The following IBTK variants were observed in gnomAD, a reference collection of about 807,000 sequenced individuals.
IBTK encodes BTK-binding protein.
IBTK carries 83 observed loss-of-function variants against 154.9 expected under a neutral mutation model. The ratio of observed to expected loss-of-function variants is 0.54; its 90% CI spans 0.45 to 0.64. IBTK has a LOEUF of 0.64. Among genes scored for constraint, IBTK ranks in the 30% least tolerant of loss-of-function variants. The pLI is 0.00. For missense variants in IBTK, 1,332 were observed against 1,584.6 expected (o/e 0.84, Z 2.71); for synonymous variants, 515 against 536.1 (o/e 0.96, Z 0.54).
At chr6:82,227,107 GA>G (rs67652569) in intron 5 of IBTK, 84 bp downstream of exon 5, 112 of 849,086 alleles carry the variant, frequency 1.3e-4, no homozygotes, top group Middle Eastern at 2.3e-4. Flanking sequence ...CCTTACAGTT[GA>G]AAAAAAAATT....
chr6:82,201,619 AC>A (rs1178311288), intron 18 of IBTK, 137 bp from the exon 19 acceptor site: 4 of 508,094 alleles, frequency 7.9e-6, no homozygotes, highest in Non-Finnish European at 1.4e-5. Context: ...AGCAGTTGCT[AC>A]AAATTCCTTT....
chr6:82,197,795 A>T (rs1181910895), intron 21 of IBTK, among the ~76,000 whole-genome samples: 3 of 152,180 alleles, frequency 2.0e-5, no homozygotes, highest in Admixed American at 6.5e-5. Context: ...GTGGCCAACA[A>T]TTACTTCTGG....
intron 16 of IBTK, chr6:82,205,280 C>T (rs76340743): frequency 0.018 from 3,211 of 174,476 alleles, 42 homozygotes; most frequent in Non-Finnish European, 0.025. Flanking sequence ...CACTAGAATG[C>T]CTGACTTGTT....
intron 4 of IBTK, among the ~76,000 whole-genome samples, chr6:82,231,029 A>C (rs1175906259): frequency 6.6e-6 from 1 of 152,168 alleles, no homozygotes; most frequent in Non-Finnish European, 1.5e-5. Flanking sequence ...ATGAAATTTT[A>C]GTTCTATCTA....
chr6:82,240,570 G>A lies in IBTK; in HGVS notation c.-84C>T, dbSNP rs1770904301. ...AAAGCCAGGACACAAAGGTGCTATT[G>A]AGGAAGTTACAGAGAATAAATTACC... On this transcript the variant is annotated 5_prime_UTR_variant, in exon 2 of 29. Transcript: ENST00000306270. 5 of 1,119,160 alleles carry A rather than the reference G, an allele frequency of 4.5e-6. No homozygotes were observed. The Admixed American group carries it at 1.1e-4, about 24-fold the overall frequency. The allele number at this position is 1,119,160 out of a possible 1,614,324, so 69.3% of individuals were successfully genotyped here. A position where few individuals can be genotyped will look rare whatever the true frequency, so the allele number is the denominator to read the frequency against.
At chr6:82,201,555 A>C in intron 18 of IBTK, 73 bp from the exon 19 acceptor site, 1 of 984,120 alleles carries the variant, frequency 1.0e-6, no homozygotes, top group Admixed American at 2.3e-5. Flanking sequence ...TTACATACGT[A>C]GATATTTCAT....
At chr6:82,204,585 A>T (rs1002219970) in intron 17 of IBTK, among the ~76,000 whole-genome samples, 19 of 152,216 alleles carry the variant, frequency 1.2e-4, no homozygotes, top group African/African-American at 4.6e-4. Flanking sequence ...AAATTAGCAA[A>T]TAAATCTGAC....
In IBTK at chr6:82,229,177, G is replaced by T. The variant is rs112114264; in HGVS notation, c.544-1875C>A. Among the ~76,000 whole-genome samples the T allele has an allele frequency of 2.4e-3, 365 of 152,098 alleles. 2 individuals carry two copies. The highest frequency in any genetic ancestry group is 8.1e-3 in the African/African-American group (336 of 41,482). On this transcript the variant is annotated intron_variant, in intron 4 of 28. Coordinates refer to ENST00000306270, the MANE Select transcript of IBTK (RefSeq NM_015525.4). The stretch of plus-strand genomic sequence containing the variant: ...TCTTTCCTTCAAACCTACCCACTGT[G>T]CTTGCTTCACCCTCATTCTGTGGTA...
intron 24 of IBTK, 89 bp downstream of exon 24, chr6:82,191,697 GA>G: frequency 4.7e-6 from 4 of 847,886 alleles, no homozygotes; most frequent in Non-Finnish European, 8.1e-6. Context: ...ATCAAATGCA[GA>G]AAAATAATAA....
chr6:82,173,955 C>G (rs909664603), intron 26 of IBTK, among the ~76,000 whole-genome samples: 10 of 151,962 alleles, frequency 6.6e-5, no homozygotes, highest in Non-Finnish European at 1.2e-4. Flanking sequence ...TTGAGAGGGC[C>G]TCATGGATGG....
At chr6:82,224,649 T>G (rs1039923156) in intron 6 of IBTK, among the ~76,000 whole-genome samples, 3 of 152,194 alleles carry the variant, frequency 2.0e-5, no homozygotes, top group East Asian at 3.9e-4. Context: ...GCTGTGCACA[T>G]GAGAGTAAAA....
chr6:82,185,687 T>G lies in IBTK; in HGVS notation c.3576-3659A>C, dbSNP rs570404559. On this transcript the variant is annotated intron_variant, in intron 25 of 28. Coordinates refer to ENST00000306270, the MANE Select transcript of IBTK (RefSeq NM_015525.4). Reference sequence around the variant, plus strand: ...AAATCAAGTGATATACTGAATTATGTGGCTATCTCATAATTTTATAATCAC... The same window carrying G: ...AAATCAAGTGATATACTGAATTATGGGGCTATCTCATAATTTTATAATCAC... Among the ~76,000 whole-genome samples, 11 of 152,108 alleles carry G rather than the reference T, an allele frequency of 7.2e-5. No individual in the cohort carries two copies. In the East Asian group the frequency reaches 2.1e-3, roughly 29 times the overall value.
At chr6:82,205,403 C>T (rs1444705427) in intron 16 of IBTK, 1 of 152,306 alleles carries the variant, frequency 6.6e-6, no homozygotes, top group Non-Finnish European at 1.5e-5. Context: ...TGCTCTTATG[C>T]TTTCTTATTT....
intron 17 of IBTK, among the ~76,000 whole-genome samples, 153 bp from the exon 18 acceptor site, chr6:82,202,798 T>A (rs1252915245): frequency 6.6e-6 from 1 of 152,204 alleles, no homozygotes; most frequent in Non-Finnish European, 1.5e-5. Context: ...GGGGCAAATA[T>A]GTAACTCTTC....
chr6:82,186,913 CTTTTTTT>C (rs138781864), intron 25 of IBTK, among the ~76,000 whole-genome samples: 1 of 103,676 alleles, frequency 9.6e-6, no homozygotes, highest in Non-Finnish European at 1.9e-5. Flanking sequence ...TTATCAAATT[CTTTTTTT>C]TTTTTTTTTT....
intron 16 of IBTK, among the ~76,000 whole-genome samples, chr6:82,206,398 A>C (rs953425572): frequency 1.8e-4 from 26 of 143,520 alleles, no homozygotes; most frequent in African/African-American, 6.5e-4. Flanking sequence ...ACAATTAGCA[A>C]TAAGTAAAGT....
chr6:82,220,550 C>CT, intron 9 of IBTK, 40 bp downstream of exon 9: 4 of 1,558,632 alleles, frequency 2.6e-6, no homozygotes, highest in Non-Finnish European at 3.5e-6. Context: ...CAGCTATCAA[C>CT]TGAGAGTAAG....
At chr6:82,173,149 G>T in intron 27 of IBTK, 1 of 359,676 alleles carries the variant, frequency 2.8e-6, no homozygotes, top group Non-Finnish European at 5.0e-6. Context: ...TCACAGGCAT[G>T]CGCCACCATG....
At chr6:82,239,544 T>C (rs891728490) in intron 2 of IBTK, among the ~76,000 whole-genome samples, 34 of 152,328 alleles carry the variant, frequency 2.2e-4, no homozygotes, top group African/African-American at 7.0e-4. Context: ...CTAATTGAGA[T>C]GCCATTAGAC....
Sources: allele counts gnomAD v4.1 joint callset (sites outside exome capture counted in the v4.1 genomes callset), GRCh38; gene constraint gnomAD v4.1.1; transcripts MANE v1.5; gene names NCBI Gene and HGNC (gene_info 2026-07-23, HGNC 2026-07-21).